The following KCNT2 variants were observed in gnomAD, a reference collection of about 807,000 sequenced individuals.
The protein encoded by KCNT2 is potassium sodium-activated channel subfamily T member 2.
KCNT2 carries 67 observed loss-of-function variants against 153.8 expected under a neutral mutation model. That is an observed-to-expected ratio of 0.44 (90% CI 0.36 to 0.53). KCNT2 has a LOEUF of 0.53. KCNT2 is among the 20% of genes least tolerant of loss of function. KCNT2 has a pLI of 0.00. For synonymous variants in KCNT2, 500 were observed against 458.8 expected, an observed-to-expected ratio of 1.09 and a Z score of -1.15; for missense variants, 975 against 1,354.8, an observed-to-expected ratio of 0.72 and a Z score of 4.40.
chr1:196,436,272 C>T (rs1027316081), intron 8 of KCNT2, among the ~76,000 whole-genome samples: 2 of 151,572 alleles, frequency 1.3e-5, no homozygotes, highest in African/African-American at 4.8e-5. Context: ...ACTTATTTTA[C>T]TGCTCTGTGG....
At chr1:196,427,684 C>T (rs752838584) in intron 10 of KCNT2, among the ~76,000 whole-genome samples, 11 of 152,040 alleles carry the variant, frequency 7.2e-5, no homozygotes, top group Non-Finnish European at 1.6e-4. Flanking sequence ...TTCCACATTT[C>T]CATTAGCAAT....
intron 25 of KCNT2, among the ~76,000 whole-genome samples, chr1:196,270,922 T>G (rs1005293279): frequency 1.3e-5 from 2 of 151,854 alleles, no homozygotes; most frequent in Admixed American, 6.6e-5. Context: ...TTCACTATAT[T>G]ATAGTCCAGA....
At chr1:196,506,176 C>T (rs868104374) in intron 1 of KCNT2, among the ~76,000 whole-genome samples, 4 of 152,108 alleles carry the variant, frequency 2.6e-5, no homozygotes, top group Admixed American at 6.6e-5. Flanking sequence ...GCATGAGCTT[C>T]GTATATGCAT....
chr1:196,493,720 T>A (rs1680035002), intron 1 of KCNT2, among the ~76,000 whole-genome samples: 1 of 152,198 alleles, frequency 6.6e-6, no homozygotes, highest in African/African-American at 2.4e-5. Context: ...CATTGTGTGA[T>A]GTTACCCTCA....
rs186156109 is a variant in KCNT2 at position 196,324,839 on chromosome 1, C to A, written c.2276+1878G>T. Among the ~76,000 whole-genome samples the A allele has an allele frequency of 2.7e-3, 415 of 152,100 alleles. 2 individuals carry two copies. The highest frequency in any genetic ancestry group is 9.5e-3 in the African/African-American group (395 of 41,544). ...GAAGACTGTGTAGCCAGTCCTTGAA[C>A]AATCACATAATTGATTTTATAATCC... is the stretch of plus-strand genomic sequence containing the variant. On this transcript the variant is annotated intron_variant, in intron 19 of 27. Coordinates refer to ENST00000294725, the MANE Select transcript of KCNT2 (RefSeq NM_198503.5).
At chr1:196,528,311 A>C (rs1238619023) in intron 1 of KCNT2, among the ~76,000 whole-genome samples, 1 of 152,178 alleles carries the variant, frequency 6.6e-6, no homozygotes, top group African/African-American at 2.4e-5. Flanking sequence ...CCAACTATTT[A>C]CACAGATTGA....
At chr1:196,521,369 C>T (rs1653373739) in intron 1 of KCNT2, among the ~76,000 whole-genome samples, 2 of 152,082 alleles carry the variant, frequency 1.3e-5, no homozygotes, top group Admixed American at 1.3e-4. Context: ...TTAGTTTAAC[C>T]ATTGTGGAAA....
At chr1:196,426,491 G>C (rs1487735649) in intron 10 of KCNT2, among the ~76,000 whole-genome samples, 1 of 151,798 alleles carries the variant, frequency 6.6e-6, no homozygotes, top group African/African-American at 2.4e-5. Flanking sequence ...TAAAAACACT[G>C]AAAATACTGA....
intron 1 of KCNT2, among the ~76,000 whole-genome samples, chr1:196,580,389 G>A (rs1661886889): frequency 6.6e-6 from 1 of 152,116 alleles, no homozygotes; most frequent in Admixed American, 6.6e-5. Context: ...GAGGATCTGA[G>A]AGTGTTTCTT....
chr1:196,248,228 C>A (rs1310132347), intron 26 of KCNT2, among the ~76,000 whole-genome samples: 1 of 151,462 alleles, frequency 6.6e-6, no homozygotes, highest in African/African-American at 2.4e-5. Context: ...CCAAATGATG[C>A]ATCTTAAAGC....
chr1:196,381,281 T>C (rs1271114336), intron 13 of KCNT2, among the ~76,000 whole-genome samples: 5 of 152,120 alleles, frequency 3.3e-5, no homozygotes, highest in Non-Finnish European at 5.9e-5. Flanking sequence ...CCTTTTCTTT[T>C]ATACCTCTCA....
intron 1 of KCNT2, among the ~76,000 whole-genome samples, chr1:196,548,594 T>G (rs1336675819): frequency 6.6e-6 from 1 of 152,050 alleles, no homozygotes; most frequent in Admixed American, 6.6e-5. Context: ...GAAGTCAGTG[T>G]GGCGATTCCT....
chr1:196,605,205 C>A (rs984948343), intron 1 of KCNT2, among the ~76,000 whole-genome samples: 2 of 152,206 alleles, frequency 1.3e-5, no homozygotes, highest in Non-Finnish European at 2.9e-5. Context: ...AAACAGCTAT[C>A]TTGATGCAGA....
In KCNT2 at chr1:196,326,885, C is replaced by A. The variant is rs1362528424; in HGVS notation, c.2108G>T (p.Cys703Phe). The A allele has an allele frequency of 6.4e-7, 1 of 1,552,852 alleles. No individual in the cohort carries two copies. The highest frequency in any genetic ancestry group is 8.7e-7 in the Non-Finnish European group (1 of 1,155,052). The change falls in exon 19 of 28, where the codon TGC (cysteine) becomes TTC (phenylalanine). Residue 703 changes from cysteine (C) to phenylalanine (F), a missense_variant. By Grantham distance (205) the Cys-to-Phe change is radical. Transcript: ENST00000294725. Reference protein sequence around the residue: ...PFCCLRLDKSCQHNYYEDAKA... With the variant: ...PFCCLRLDKSFQHNYYEDAKA... Reference sequence around the variant, plus strand: ...TGCATCCTCATAGTAGTTATGTTGGCAACTCTAGAGAAGAGAAAGTATACA... The same window carrying A: ...TGCATCCTCATAGTAGTTATGTTGGAAACTCTAGAGAAGAGAAAGTATACA...
At chr1:196,292,211 C>T (rs1234610056) in intron 22 of KCNT2, among the ~76,000 whole-genome samples, 1 of 152,086 alleles carries the variant, frequency 6.6e-6, no homozygotes, top group Non-Finnish European at 1.5e-5. Flanking sequence ...ACTGAGGACA[C>T]ACTTAAAAAT....
intron 1 of KCNT2, among the ~76,000 whole-genome samples, chr1:196,507,710 C>T (rs751830875): frequency 6.6e-6 from 1 of 152,088 alleles, no homozygotes; most frequent in South Asian, 2.1e-4. Flanking sequence ...ATGTTTTTAA[C>T]CTTTTGAAAA....
At chr1:196,559,235 T>A (rs931889252) in intron 1 of KCNT2, among the ~76,000 whole-genome samples, 1 of 151,666 alleles carries the variant, frequency 6.6e-6, no homozygotes, top group Non-Finnish European at 1.5e-5. Flanking sequence ...ATTTATATTT[T>A]TATTTTATTG....
intron 7 of KCNT2, among the ~76,000 whole-genome samples, chr1:196,465,693 G>C (rs1015030860): frequency 6.6e-5 from 10 of 151,862 alleles, no homozygotes; most frequent in Admixed American, 5.3e-4. Context: ...ACCCCTACAT[G>C]TTAAGCATGA....
chr1:196,438,796 A>T (rs1572455334), intron 8 of KCNT2, among the ~76,000 whole-genome samples: 1 of 151,976 alleles, frequency 6.6e-6, no homozygotes, highest in East Asian at 1.9e-4. Context: ...ATATTTATAC[A>T]ATTCACTAAG....
Sources: allele counts gnomAD v4.1 joint callset (sites outside exome capture counted in the v4.1 genomes callset), GRCh38; gene constraint gnomAD v4.1.1; transcripts MANE v1.5; gene names NCBI Gene and HGNC (gene_info 2026-07-23, HGNC 2026-07-21).